The following COL5A1 variants were observed in gnomAD, a reference collection of about 807,000 sequenced individuals.
The protein encoded by COL5A1 is collagen type V alpha 1 chain, also known as collagen alpha-1(V) chain.
In COL5A1, 16 loss-of-function variants were observed where a neutral mutation model predicts 263.7. That is an observed-to-expected ratio of 0.06 (90% confidence interval 0.04 to 0.09). COL5A1 has a LOEUF of 0.09. Among genes scored for constraint, COL5A1 ranks in the 10% least tolerant of loss-of-function variants. The pLI, the probability that COL5A1 is intolerant of heterozygous loss-of-function variation, is 1.00. For missense variants in COL5A1, 2,036 were observed against 2,540.5 expected, an observed-to-expected ratio of 0.80 and a Z score of 4.27; for synonymous variants, 1,012 against 1,004.5, an observed-to-expected ratio of 1.01 and a Z score of -0.14.
chr9:134,795,404 T>A, intron 34 of COL5A1, 89 bp downstream of exon 34: 37 of 1,054,642 alleles, frequency 3.5e-5, no homozygotes, highest in Non-Finnish European at 4.5e-5. Context: ...GTCTGTGACC[T>A]TTTTTATTAA....
intron 11 of COL5A1, among the ~76,000 whole-genome samples, chr9:134,745,300 G>T (rs1018815290): frequency 6.6e-6 from 1 of 152,192 alleles, no homozygotes; most frequent in African/African-American, 2.4e-5. Context: ...CAAAGGCCTC[G>T]GGACATTTCT....
chr9:134,646,197 C>T (rs555816570), intron 1 of COL5A1, among the ~76,000 whole-genome samples: 17 of 152,262 alleles, frequency 1.1e-4, no homozygotes, highest in African/African-American at 4.1e-4. Flanking sequence ...GGGATGGGAC[C>T]CCTCGTTTCC....
chr9:134,835,108 C>A lies in COL5A1; in HGVS notation c.5274C>A (p.Gly1758=). The change falls in exon 65 of 66, where the codon GGC becomes GGA. Residue 1758 remains glycine (G), a synonymous_variant. Transcript: ENST00000371817. ...TGGCCTGGCAGGACGCAGCCACGGG[C>A]AGCTACGACAAGGCCCTCCGCTTCC... The part of the protein sequence containing the change: ...QSVAWQDAAT[G]SYDKALRFLG... The A allele has an allele frequency of 6.2e-7, 1 of 1,613,820 alleles. No homozygotes were observed. The highest frequency in any genetic ancestry group is 8.5e-7 in the Non-Finnish European group (1 of 1,180,036).
At position 134,677,501 on chromosome 9, in the gene COL5A1, G is replaced by A. The variant is rs1832713802; in HGVS notation, c.110-13411G>A. On this transcript the variant is annotated intron_variant, in intron 1 of 65. Coordinates refer to ENST00000371817, the MANE Select transcript of COL5A1 (RefSeq NM_000093.5). The surrounding 1 kb of genome is among the most constrained non-coding windows in gnomAD (Gnocchi z 4.4). ...AGAGAGGCCATGTGCAAATGCTCAG[G>A]TTCGTGGAGCCAGGCTCTTGCCCCT... Among the ~76,000 whole-genome samples the A allele has an allele frequency of 6.6e-6, 1 of 152,190 alleles. No homozygotes were observed. Among genetic ancestry groups the A allele is most frequent in the Non-Finnish European group, 1.5e-5 (1 of 68,034 alleles).
rs139394549 is a variant in COL5A1, at chr9:134,789,202, C to A, written c.2694C>A (p.Gly898=). Residue 898 remains glycine, a synonymous_variant, in exon 32 of 66, where the codon GGC becomes GGA. Transcript: ENST00000371817. This position sits in a 1 kb window ranked among gnomAD's most constrained non-coding sequence, Gnocchi z 4.8. ...PGFPGANGEK[G]GRGTPGKPGP... ...TTCCTGGCGCCAATGGAGAGAAGGG[C>A]GGCAGGGTAAGGATAGCCTGGCCCC... 6.2e-7 allele frequency: 1 copy of A among 1,612,790 alleles called. No homozygotes were observed. Among genetic ancestry groups the A allele is most frequent in the East Asian group, 2.2e-5 (1 of 44,884 alleles).
intron 8 of COL5A1, 28 bp from the exon 9 acceptor site, chr9:134,732,043 C>T: frequency 1.2e-6 from 2 of 1,613,044 alleles, no homozygotes; most frequent in Non-Finnish European, 1.7e-6. Flanking sequence ...CTCTGATTCT[C>T]TTTCCATCTG....
At chr9:134,787,342 G>GA (rs1837497747) in intron 31 of COL5A1, among the ~76,000 whole-genome samples, 1 of 152,184 alleles carries the variant, frequency 6.6e-6, no homozygotes, top group Non-Finnish European at 1.5e-5. Flanking sequence ...GGTTTCCTGG[G>GA]TCCTGCCCCC....
chr9:134,732,080 C>A lies in COL5A1; in HGVS notation c.1342C>A (p.Pro448Thr). ...QDTIYEGIGG[P>T]RGEKGQKGEP... ...CTTTTATCACCCCCAGATTGGAGGA[C>A]CTCGGGGCGAGAAAGGCCAAAAGGG... Residue 448 changes from proline to threonine, a missense_variant, in exon 9 of 66, where the codon CCT (proline) becomes ACT (threonine). Coordinates refer to ENST00000371817, the MANE Select transcript of COL5A1 (RefSeq NM_000093.5). 1 of 1,614,184 alleles carries A rather than the reference C, an allele frequency of 6.2e-7. No individual in the cohort carries two copies. The highest frequency in any genetic ancestry group is 8.5e-7 in the Non-Finnish European group (1 of 1,179,994).
At chr9:134,688,983 G>T (rs957786445) in intron 1 of COL5A1, among the ~76,000 whole-genome samples, 1 of 149,198 alleles carries the variant, frequency 6.7e-6, no homozygotes, top group African/African-American at 2.4e-5. Flanking sequence ...TCATGGCGGG[G>T]GTGGGGGTGG....
intron 11 of COL5A1, among the ~76,000 whole-genome samples, chr9:134,747,663 GCA>G (rs1179605525): frequency 7.1e-6 from 1 of 140,190 alleles, no homozygotes; most frequent in Non-Finnish European, 1.5e-5. Context: ...GCAGACACAT[GCA>G]CACATGTATT....
chr9:134,810,951 G>A (rs1007288090), intron 44 of COL5A1, among the ~76,000 whole-genome samples: 1 of 152,164 alleles, frequency 6.6e-6, no homozygotes, highest in Non-Finnish European at 1.5e-5. Flanking sequence ...CATGCGGGAG[G>A]TCTCTTGAGG....
At position 134,841,569 on chromosome 9, in the gene COL5A1, G is replaced by A. The variant is rs901865692; in HGVS notation, c.5371-588G>A. Among the ~76,000 whole-genome samples the A allele has an allele frequency of 1.3e-5, 2 of 152,292 alleles. No homozygotes were observed. The highest frequency in any genetic ancestry group is 3.9e-4 in the East Asian group (2 of 5,176). On this transcript the variant is annotated intron_variant, in intron 65 of 65. Transcript: ENST00000371817. This position sits in a 1 kb window ranked among gnomAD's most constrained non-coding sequence, Gnocchi z 4.8. The stretch of plus-strand genomic sequence containing the variant: ...ACCTAAGACTCCTCTAGACCAGATG[G>A]TGTGGAAGGTCCCCACCCCTTCCCA...
At chr9:134,675,075 G>T (rs994987844) in intron 1 of COL5A1, among the ~76,000 whole-genome samples, 2 of 152,104 alleles carry the variant, frequency 1.3e-5, no homozygotes, top group African/African-American at 4.8e-5. Flanking sequence ...TATTCTGTTG[G>T]TTGTACAGAG....
Position 134,741,372 on chromosome 9 carries a change from T to C in COL5A1, c.1494+2564T>C, listed in dbSNP as rs531686756. 6.6e-6 allele frequency among the ~76,000 whole-genome samples: 1 copy of C among 152,232 alleles called. No individual in the cohort carries two copies. The highest frequency in any genetic ancestry group is 2.1e-4 in the South Asian group (1 of 4,822). On this transcript the variant is annotated intron_variant, in intron 11 of 65. Transcript: ENST00000371817. The surrounding 1 kb of genome is among the most constrained non-coding windows in gnomAD (Gnocchi z 4.5). ...AAAAAAGTGCTTGGGTTCGGGAGCA[T>C]ATATACCATTTTAACAAGCAGCAAT...
chr9:134,714,957 C>G (rs1204762568), intron 4 of COL5A1, among the ~76,000 whole-genome samples: 3 of 151,690 alleles, frequency 2.0e-5, no homozygotes, highest in Non-Finnish European at 4.4e-5. Flanking sequence ...CCCCACCACA[C>G]CTGTGGGTGT....
intron 18 of COL5A1, among the ~76,000 whole-genome samples, chr9:134,760,651 G>GCA (rs141467023): frequency 0.059 from 3,362 of 57,344 alleles, 158 homozygotes; most frequent in African/African-American, 0.11. Flanking sequence ...ATACACTCAT[G>GCA]CACACACACA....
intron 32 of COL5A1, among the ~76,000 whole-genome samples, chr9:134,791,075 C>T (rs1298449407): frequency 6.6e-6 from 1 of 152,202 alleles, no homozygotes; most frequent in Non-Finnish European, 1.5e-5. Flanking sequence ...GATGGATGCT[C>T]CAGATGTCCA....
At chr9:134,816,798 T>C (rs1838765091) in intron 52 of COL5A1, among the ~76,000 whole-genome samples, 1 of 152,172 alleles carries the variant, frequency 6.6e-6, no homozygotes, top group Non-Finnish European at 1.5e-5. Flanking sequence ...AGTGGGGAAG[T>C]TCTCTTCCAA....
At chr9:134,753,967 C>T (rs1835885323) in intron 15 of COL5A1, 64 bp downstream of exon 15, 6 of 1,431,566 alleles carry the variant, frequency 4.2e-6, no homozygotes, top group South Asian at 1.1e-5. Context: ...GCAGCGACGG[C>T]GAGCATGGAG....
Sources: allele counts gnomAD v4.1 joint callset (sites outside exome capture counted in the v4.1 genomes callset), GRCh38; gene constraint gnomAD v4.1.1; non-coding constraint Gnocchi (gnomAD v3.1); transcripts MANE v1.5; gene names NCBI Gene and HGNC (gene_info 2026-07-23, HGNC 2026-07-21).